Variants in SLC35F3 observed in about 807,000 individuals in gnomAD.
The protein encoded by SLC35F3 is solute carrier family 35 member F3, also known as putative thiamine transporter SLC35F3.
In SLC35F3, 25 loss-of-function variants were observed where a neutral mutation model predicts 49.9. The observed-to-expected ratio is 0.50, with a 90% CI of 0.37 to 0.70. The LOEUF is 0.70. Among genes scored for constraint, SLC35F3 ranks in the 30% least tolerant of loss-of-function variants. SLC35F3 has a pLI of 0.00. For synonymous variants in SLC35F3, 275 were observed against 265.4 expected (o/e 1.04, Z -0.35); for missense variants, 525 against 639.8 (o/e 0.82, Z 1.94).
At chr1:234,164,428 C>T (rs1258929578) in intron 2 of SLC35F3, among the ~76,000 whole-genome samples, 3 of 151,184 alleles carry the variant, frequency 2.0e-5, no homozygotes, top group Non-Finnish European at 4.4e-5. Context: ...TTTTTCCTCT[C>T]CCTCTCTTCC....
At chr1:234,250,653 C>CAAAA (rs35486350) in intron 3 of SLC35F3, among the ~76,000 whole-genome samples, 3 of 81,472 alleles carry the variant, frequency 3.7e-5, no homozygotes, top group Admixed American at 1.4e-4. Context: ...GACTCCGTCT[C>CAAAA]AAAAAAAAAA....
In SLC35F3 at chr1:233,936,532, C is replaced by G. The variant is rs189280997; in HGVS notation, c.283+30774C>G. ...CCTTCTTGTTCTCCTCCTCCTCCTC[C>G]TTCTTCCTCCTCCTCCTCCTCTTTC... On this transcript the variant is annotated intron_variant, in intron 2 of 7. Coordinates refer to ENST00000366618, the MANE Select transcript of SLC35F3 (RefSeq NM_173508.4). 7.4e-3 allele frequency among the ~76,000 whole-genome samples: 1,073 copies of G among 145,634 alleles called. 11 individuals carry two copies. The highest frequency in any genetic ancestry group is 0.025 in the African/African-American group (1,021 of 40,238).
chr1:234,117,682 A>C (rs1409003283), intron 2 of SLC35F3, among the ~76,000 whole-genome samples: 5 of 151,286 alleles, frequency 3.3e-5, no homozygotes, highest in African/African-American at 4.9e-5. Flanking sequence ...GTCAGGAGAT[A>C]CAGACCATCC....
At chr1:234,077,008 T>G (rs1289880456) in intron 2 of SLC35F3, among the ~76,000 whole-genome samples, 9 of 147,592 alleles carry the variant, frequency 6.1e-5, no homozygotes, top group East Asian at 4.0e-4. Flanking sequence ...GTTTTTTTTT[T>G]TTTTTTTGAG....
intron 2 of SLC35F3, among the ~76,000 whole-genome samples, chr1:234,186,835 G>A (rs918845158): frequency 1.3e-5 from 2 of 152,154 alleles, no homozygotes; most frequent in African/African-American, 4.8e-5. Flanking sequence ...TATGGGAAGA[G>A]GCCCCATAGT....
At chr1:234,055,915 C>T (rs138429483) in intron 2 of SLC35F3, among the ~76,000 whole-genome samples, 168 of 152,292 alleles carry the variant, frequency 1.1e-3, no homozygotes, top group African/African-American at 3.9e-3. Context: ...TACCAGCTCA[C>T]AGAAATGCCT....
intron 2 of SLC35F3, among the ~76,000 whole-genome samples, chr1:234,023,819 G>GAA (rs34417792): frequency 1.5e-4 from 22 of 142,286 alleles, no homozygotes; most frequent in East Asian, 4.1e-4. Flanking sequence ...ATCTAGTTCT[G>GAA]AAAAAAAAAA....
At position 234,059,057 on chromosome 1, in the gene SLC35F3, T is replaced by C. The variant is rs556484457; in HGVS notation, c.283+153299T>C. Among the ~76,000 whole-genome samples the C allele has an allele frequency of 2.0e-5, 3 of 152,304 alleles. No individual in the cohort carries two copies. The South Asian group carries it at 6.2e-4, about 32-fold the overall frequency. On this transcript the variant is annotated intron_variant, in intron 2 of 7. Transcript: ENST00000366618. ...TCTGATTCTAATCATTTGAGTTTTC[T>C]CTTTTTCTTCTTGGTCAGTCTAGCT...
intron 2 of SLC35F3, among the ~76,000 whole-genome samples, chr1:233,979,064 A>C (rs1243508475): frequency 2.6e-5 from 4 of 151,850 alleles, no homozygotes; most frequent in African/African-American, 9.7e-5. Flanking sequence ...CAAAAAGCAA[A>C]ACAAAACAAA....
chr1:233,983,608 C>T (rs1663219717), intron 2 of SLC35F3, among the ~76,000 whole-genome samples: 1 of 152,186 alleles, frequency 6.6e-6, no homozygotes, highest in Admixed American at 6.5e-5. Context: ...TCTTAATTTG[C>T]ATGCGAAGTT....
Position 234,010,802 on chromosome 1 carries a change from G to A in SLC35F3, c.283+105044G>A, listed in dbSNP as rs575857050. Among the ~76,000 whole-genome samples the A allele has an allele frequency of 5.9e-5, 9 of 152,234 alleles. No individual in the cohort carries two copies. In the South Asian group the frequency reaches 1.9e-3, roughly 32 times the overall value. On this transcript the variant is annotated intron_variant, in intron 2 of 7. Transcript: ENST00000366618. ...AGATGGAAAGAAAAGGAGAACAGGA[G>A]TAGCTATATTTATATCAGTCAAAAT... is the stretch of plus-strand genomic sequence containing the variant.
chr1:234,300,164 G>A (rs1336738237), intron 3 of SLC35F3, among the ~76,000 whole-genome samples: 1 of 152,220 alleles, frequency 6.6e-6, no homozygotes, highest in East Asian at 1.9e-4. Flanking sequence ...TAAATGCCAG[G>A]TAATGGTGTT....
intron 2 of SLC35F3, among the ~76,000 whole-genome samples, chr1:234,089,047 C>T (rs1445562685): frequency 6.6e-6 from 1 of 152,194 alleles, no homozygotes; most frequent in Non-Finnish European, 1.5e-5. Context: ...CAGGCATTAG[C>T]CATGGTGCCT....
chr1:234,086,496 A>G (rs1160955900), intron 2 of SLC35F3, among the ~76,000 whole-genome samples: 1 of 152,230 alleles, frequency 6.6e-6, no homozygotes, highest in East Asian at 1.9e-4. Flanking sequence ...TTTGATGGAC[A>G]GAATGCTAAT....
chr1:234,099,460 A>G (rs1381310866), intron 2 of SLC35F3, among the ~76,000 whole-genome samples: 1 of 152,090 alleles, frequency 6.6e-6, no homozygotes, highest in Non-Finnish European at 1.5e-5. Context: ...AAATACAAAA[A>G]TTAGCTGGGT....
chr1:234,027,436 A>T lies in SLC35F3; in HGVS notation c.283+121678A>T, dbSNP rs912360131. On this transcript the variant is annotated intron_variant, in intron 2 of 7. Transcript: ENST00000366618. The surrounding 1 kb of genome is among the most constrained non-coding windows in gnomAD (Gnocchi z 4.1). ...AGCTGAGGAAAACTGCCTGGAGATT[A>T]AGTTTCGACTTGAGTTTTGGAGGGG... is the stretch of plus-strand genomic sequence containing the variant. Among the ~76,000 whole-genome samples, 1 of 152,224 alleles carries T rather than the reference A, an allele frequency of 6.6e-6. No individual in the cohort carries two copies. The highest frequency in any genetic ancestry group is 2.4e-5 in the African/African-American group (1 of 41,456).
At chr1:234,266,878 T>TTG (rs1553259684) in intron 3 of SLC35F3, among the ~76,000 whole-genome samples, 18 of 148,522 alleles carry the variant, frequency 1.2e-4, no homozygotes, top group South Asian at 2.2e-4. Context: ...ACATGGTTTT[T>TTG]TTTTTTTTTT....
At chr1:234,127,954 G>A (rs1665674049) in intron 2 of SLC35F3, among the ~76,000 whole-genome samples, 1 of 152,132 alleles carries the variant, frequency 6.6e-6, no homozygotes. Context: ...AAAATTATCT[G>A]TCCATTGCTC....
chr1:234,110,571 A>T (rs1665391198), intron 2 of SLC35F3, among the ~76,000 whole-genome samples: 1 of 152,278 alleles, frequency 6.6e-6, no homozygotes, highest in Admixed American at 6.5e-5. Context: ...CAATTAATGC[A>T]TGAAGAAAAC....
Sources: gnomAD v4.1 joint callset for allele counts (sites outside exome capture counted in the v4.1 genomes callset) on GRCh38, gnomAD v4.1.1 for gene constraint, Gnocchi (gnomAD v3.1) non-coding constraint, MANE v1.5 for transcripts, NCBI Gene and HGNC (gene_info 2026-07-23, HGNC 2026-07-21) for gene names.